The following LAMP5 variants were observed in gnomAD, a reference collection of about 807,000 sequenced individuals.
LAMP5 encodes lysosome associated membrane protein 5, also known as lysosome-associated membrane glycoprotein 5.
In LAMP5, 36 loss-of-function variants were observed where a neutral mutation model predicts 30.2. The observed-to-expected ratio is 1.19, with a 90% confidence interval of 0.91 to 1.57. LAMP5 has a LOEUF of 1.57. LAMP5 is among the 40% of genes most tolerant of loss of function. The pLI is 0.00. For missense variants in LAMP5, 377 were observed against 354.9 expected (o/e 1.06, Z -0.50); for synonymous variants, 149 against 134.6 (o/e 1.11, Z -0.74).
chr20:9,524,696 ATT>A (rs2045101695), intron 5 of LAMP5, among the ~76,000 whole-genome samples: 1 of 152,062 alleles, frequency 6.6e-6, no homozygotes, highest in African/African-American at 2.4e-5. Context: ...ACAGTGCACA[ATT>A]TATATATTAC....
chr20:9,528,384 T>C (rs1356798225), intron 5 of LAMP5, among the ~76,000 whole-genome samples: 1 of 151,876 alleles, frequency 6.6e-6, no homozygotes, highest in Non-Finnish European at 1.5e-5. Flanking sequence ...AGTACAAACA[T>C]ATAGTTAGAT....
intron 2 of LAMP5, 110 bp from the exon 3 acceptor site, chr20:9,515,890 G>A: frequency 1.6e-6 from 2 of 1,266,838 alleles, no homozygotes; most frequent in Non-Finnish European, 1.1e-6. Flanking sequence ...GGATGCGCGC[G>A]CGCAAAGGAG....
Position 9,518,150 on chromosome 20 carries a change from C to A in LAMP5, c.586C>A (p.Gln196Lys). 1 of 1,614,158 alleles carries A rather than the reference C, an allele frequency of 6.2e-7. No individual in the cohort carries two copies. The highest frequency in any genetic ancestry group is 2.2e-5 in the East Asian group (1 of 44,874). The change falls in exon 5 of 6, where the codon CAG (glutamine) becomes AAG (lysine). Residue 196 changes from glutamine to lysine, a missense_variant. Transcript: ENST00000246070. ...CATTTCACTGGCCTCTAGTGATCCGCAGAAGACGGTCACCATGATCCTGTC... is the reference window on the plus strand; with the variant it reads ...CATTTCACTGGCCTCTAGTGATCCGAAGAAGACGGTCACCATGATCCTGTC... ...QTISLASSDP[Q>K]KTVTMILSAV...
intron 4 of LAMP5, among the ~76,000 whole-genome samples, chr20:9,517,441 T>A (rs1401602380): frequency 6.6e-6 from 1 of 151,590 alleles, no homozygotes; most frequent in Non-Finnish European, 1.5e-5. Context: ...ATTAGGGATT[T>A]TTTTTTTCTT....
rs1482777783 is a variant in LAMP5, at chr20:9,529,680, G to T, written c.703G>T (p.Glu235Ter). 2.5e-6 allele frequency: 4 copies of T among 1,614,088 alleles called. No homozygotes were observed. The Admixed American group carries it at 5.0e-5, about 20-fold the overall frequency. ...AGTGGATGAGCGGGAGCAACTGGAA[G>T]AAACCTTGCCCCTGATTTTGGGGCT... ...CPVDEREQLE[E>*]TLPLILGLIL... Residue 235 changes from glutamate to a stop codon, truncating the protein, a stop_gained, in exon 6 of 6, where the codon GAA becomes TAA. Coordinates refer to ENST00000246070, the MANE Select transcript of LAMP5 (RefSeq NM_012261.4). LOFTEE classifies it high-confidence loss of function.
rs367768327 is a variant in LAMP5 at position 9,518,118 on chromosome 20, A to T, written c.554A>T (p.Gln185Leu). Residue 185 changes from glutamine (Q) to leucine (L), a missense_variant, in exon 5 of 6, where the codon CAA (glutamine) becomes CTA (leucine). Coordinates refer to ENST00000246070, the MANE Select transcript of LAMP5 (RefSeq NM_012261.4). Reference protein sequence around the residue: ...PAGKSYECQAQQTISLASSDP... With the variant: ...PAGKSYECQALQTISLASSDP... Reference sequence around the variant, plus strand: ...GGGAAGTCCTATGAGTGTCAAGCTCAACAAACCATTTCACTGGCCTCTAGT... The same window carrying T: ...GGGAAGTCCTATGAGTGTCAAGCTCTACAAACCATTTCACTGGCCTCTAGT... The T allele has an allele frequency of 3.1e-6, 5 of 1,614,078 alleles. No individual in the cohort carries two copies. The highest frequency in any genetic ancestry group is 4.2e-6 in the Non-Finnish European group (5 of 1,180,024).
rs149065303 is a variant in LAMP5 at position 9,521,293 on chromosome 20, G to A, written c.664+3065G>A. 3.4e-3 allele frequency among the ~76,000 whole-genome samples: 514 copies of A among 152,302 alleles called. 1 individual carries two copies. Among genetic ancestry groups the A allele is most frequent in the African/African-American group, 0.012 (493 of 41,554 alleles). On this transcript the variant is annotated intron_variant, in intron 5 of 5. Coordinates refer to ENST00000246070, the MANE Select transcript of LAMP5 (RefSeq NM_012261.4). ...ATGGGTCCCAGAGCTTCTAGAGGCAGCAGTGCCTTGGAGCCTTAGAACTCC... is the reference window on the plus strand; with the variant it reads ...ATGGGTCCCAGAGCTTCTAGAGGCAACAGTGCCTTGGAGCCTTAGAACTCC...
At chr20:9,518,873 C>T (rs900020604) in intron 5 of LAMP5, among the ~76,000 whole-genome samples, 2 of 150,348 alleles carry the variant, frequency 1.3e-5, no homozygotes, top group African/African-American at 2.5e-5. Context: ...CAAGCATCTT[C>T]GTGAGGAGGA....
rs1344436671 is a variant in LAMP5 at position 9,530,057 on chromosome 20, G to A, written c.*237G>A. 1 of 400,732 alleles carries A rather than the reference G, an allele frequency of 2.5e-6. No homozygotes were observed. 24.8% of individuals were successfully genotyped at this position (400,732 alleles called of 1,614,324 possible). The stretch of plus-strand genomic sequence containing the variant: ...CTCCATGCTGGGGAGGAGGGGAGGA[G>A]GGTCTCAGACAGCTTTCGTGCTCAT... On this transcript the variant is annotated 3_prime_UTR_variant, in exon 6 of 6. Transcript: ENST00000246070.
At chr20:9,519,658 T>G (rs1261396683) in intron 5 of LAMP5, among the ~76,000 whole-genome samples, 1 of 152,232 alleles carries the variant, frequency 6.6e-6, no homozygotes, top group East Asian at 1.9e-4. Flanking sequence ...ATTTGACTTC[T>G]TATGATTATT....
At chr20:9,527,624 C>T (rs1451019009) in intron 5 of LAMP5, among the ~76,000 whole-genome samples, 1 of 152,134 alleles carries the variant, frequency 6.6e-6, no homozygotes, top group East Asian at 1.9e-4. Context: ...TATGAAGAGA[C>T]ATGTAAAGCT....
chr20:9,518,016 T>C, intron 4 of LAMP5, 24 bp from the exon 5 acceptor site: 1 of 995,066 alleles, frequency 1.0e-6, no homozygotes, highest in Non-Finnish European at 1.4e-6. Context: ...GGGTTCTAAC[T>C]ATTGCTCTGG....
In LAMP5 at chr20:9,518,188, C is replaced by G; in HGVS notation, c.624C>G (p.Ile208Met). 6.2e-7 allele frequency: 1 copy of G among 1,614,184 alleles called. No homozygotes were observed. Among genetic ancestry groups the G allele is most frequent in the Non-Finnish European group, 8.5e-7 (1 of 1,180,032 alleles). The change falls in exon 5 of 6, where the codon ATC becomes ATG. Residue 208 changes from isoleucine (I) to methionine (M), a missense_variant. Coordinates refer to ENST00000246070, the MANE Select transcript of LAMP5 (RefSeq NM_012261.4). ...TVTMILSAVH[I>M]QPFDIISDFV... ...CCATGATCCTGTCTGCGGTCCACAT[C>G]CAACCTTTTGACATTATCTCAGATT... is the stretch of plus-strand genomic sequence containing the variant.
At chr20:9,524,913 A>G (rs937386396) in intron 5 of LAMP5, among the ~76,000 whole-genome samples, 1 of 152,208 alleles carries the variant, frequency 6.6e-6, no homozygotes, top group Non-Finnish European at 1.5e-5. Flanking sequence ...ATTTTGAAAC[A>G]GTGGATGAGA....
intron 5 of LAMP5, among the ~76,000 whole-genome samples, chr20:9,527,919 A>G (rs1479602335): frequency 6.6e-6 from 1 of 152,212 alleles, no homozygotes; most frequent in Non-Finnish European, 1.5e-5. Context: ...TGCTGGTTAC[A>G]TGAGATGTTC....
intron 1 of LAMP5, 116 bp downstream of exon 1, chr20:9,515,032 T>A (rs2045025363): frequency 1.0e-6 from 1 of 995,082 alleles, no homozygotes; most frequent in East Asian, 2.6e-5. Flanking sequence ...TGTTTTGCGG[T>A]GTTTTTTCTT....
At chr20:9,520,646 A>G (rs2045073935) in intron 5 of LAMP5, among the ~76,000 whole-genome samples, 1 of 151,980 alleles carries the variant, frequency 6.6e-6, no homozygotes, top group Non-Finnish European at 1.5e-5. Context: ...ATTGTCAAGC[A>G]CAGCATAATG....
intron 5 of LAMP5, among the ~76,000 whole-genome samples, chr20:9,525,385 G>A (rs561370156): frequency 4.3e-4 from 66 of 152,228 alleles, no homozygotes; most frequent in Non-Finnish European, 6.5e-4. Flanking sequence ...GTAGTATGAC[G>A]TTGGATACTC....
intron 5 of LAMP5, among the ~76,000 whole-genome samples, chr20:9,523,652 A>G (rs946052009): frequency 6.6e-6 from 1 of 152,116 alleles, no homozygotes; most frequent in Non-Finnish European, 1.5e-5. Flanking sequence ...TGTCTCTTCC[A>G]GCCACAAGCC....
Sources: gnomAD v4.1 joint callset for allele counts (sites outside exome capture counted in the v4.1 genomes callset) on GRCh38, gnomAD v4.1.1 for gene constraint, MANE v1.5 for transcripts, NCBI Gene and HGNC (gene_info 2026-07-23, HGNC 2026-07-21) for gene names.